Variants in TNPO2 observed in about 807,000 individuals in gnomAD.
The protein encoded by TNPO2 is transportin-2.
TNPO2 carries 16 observed loss-of-function variants against 111.1 expected under a neutral mutation model. The observed-to-expected ratio is 0.14, with a 90% CI of 0.10 to 0.22. TNPO2 has a LOEUF of 0.22. Ranked by LOEUF, TNPO2 falls within the 10% of genes least tolerant of loss-of-function variation. The pLI, the probability that TNPO2 is intolerant of heterozygous loss-of-function variation, is 1.00. For synonymous variants in TNPO2, 481 were observed against 475.8 expected (o/e 1.01, Z -0.14); for missense variants, 530 against 1,173.7 (o/e 0.45, Z 8.01).
chr19:12,709,000 C>A (rs2025873668), intron 13 of TNPO2, among the ~76,000 whole-genome samples: 1 of 151,042 alleles, frequency 6.6e-6, no homozygotes, highest in African/African-American at 2.4e-5. Context: ...GATCACACCA[C>A]TGCACTCCAG....
At position 12,701,403 on chromosome 19, in the gene TNPO2, G is replaced by A. The variant is rs369364372; in HGVS notation, c.2637C>T (p.Phe879=). Residue 879 remains phenylalanine, a synonymous_variant, in exon 25 of 26, where the codon TTC becomes TTT. Transcript: ENST00000425528. The surrounding 1 kb of genome is among the most constrained non-coding windows in gnomAD (Gnocchi z 5.0). The part of the protein sequence containing the change: ...DQVGEDNWQQ[F]SEQFPPLLKE... Reference sequence around the variant, plus strand: ...TGAGCAGCGGCGGGAATTGCTCAGAGAACTGCTGCCAGTTATCTTCCCCAA... The same window carrying A: ...TGAGCAGCGGCGGGAATTGCTCAGAAAACTGCTGCCAGTTATCTTCCCCAA... 7 of 1,613,874 alleles carry A rather than the reference G, an allele frequency of 4.3e-6. No individual in the cohort carries two copies. Among genetic ancestry groups the A allele is most frequent in the Non-Finnish European group, 5.9e-6 (7 of 1,179,894 alleles).
Position 12,701,709 on chromosome 19 carries a change from A to G in TNPO2, c.2512-37T>C. On this transcript the variant is annotated intron_variant, in intron 23 of 25. Transcript: ENST00000425528. This position sits in a 1 kb window ranked among gnomAD's most constrained non-coding sequence, Gnocchi z 5.0. ...CGGATCCCAGGTGAGGGGCCGCCCG[A>G]GCCCAGCGCCCGCGCCTGCCCTCAG... 4 of 1,613,288 alleles carry G rather than the reference A, an allele frequency of 2.5e-6. No individual in the cohort carries two copies. Among genetic ancestry groups the G allele is most frequent in the Non-Finnish European group, 3.4e-6 (4 of 1,179,478 alleles).
rs1163883376 is a variant in TNPO2, at chr19:12,721,347, CGAGG to C, written c.-13-361_-13-358del. The C allele has an allele frequency of 6.4e-6, 8 of 1,258,714 alleles. No individual in the cohort carries two copies. Among genetic ancestry groups the C allele is most frequent in the Non-Finnish European group, 8.2e-6 (8 of 973,822 alleles). 78.0% of individuals were successfully genotyped at this position (1,258,714 alleles called of 1,614,324 possible). A position where few individuals can be genotyped will look rare whatever the true frequency, so the allele number is the denominator to read the frequency against. On this transcript the variant is annotated intron_variant, in intron 2 of 25. Transcript: ENST00000425528. This position sits in a 1 kb window ranked among gnomAD's most constrained non-coding sequence, Gnocchi z 4.9. ...TTCCACCTCCCTCGCAGCGGCTGGG[CGAGG>C]GCCCAGCCGCCTCCACATCCAGGGG...
chr19:12,710,998 C>T (rs923945083), intron 12 of TNPO2, among the ~76,000 whole-genome samples: 2 of 152,118 alleles, frequency 1.3e-5, no homozygotes, highest in African/African-American at 2.4e-5. Flanking sequence ...GGGTTCATGC[C>T]GTTTTCCTGC....
chr19:12,717,111 A>G (rs1030966091), intron 5 of TNPO2, among the ~76,000 whole-genome samples: 1 of 151,844 alleles, frequency 6.6e-6, no homozygotes, highest in Non-Finnish European at 1.5e-5. Flanking sequence ...AAACTCAACG[A>G]GAGAAAGGTG....
chr19:12,718,973 C>A, intron 5 of TNPO2, 56 bp downstream of exon 5: 2 of 1,600,272 alleles, frequency 1.2e-6, no homozygotes, highest in South Asian at 1.1e-5. Context: ...ACTTAACATG[C>A]TGAGAAGTGA....
At position 12,702,792 on chromosome 19, in the gene TNPO2, G is replaced by A; in HGVS notation, c.2305+31C>T. ...ACCCCACCTCCAGAAGGCAGGCAGG[G>A]GTGCAGGCAGCAGCCGGGCCAGGTG... On this transcript the variant is annotated intron_variant, in intron 21 of 25. Coordinates refer to ENST00000425528, the MANE Select transcript of TNPO2 (RefSeq NM_001382241.1). The surrounding 1 kb of genome is among the most constrained non-coding windows in gnomAD (Gnocchi z 5.5). The A allele has an allele frequency of 6.3e-7, 1 of 1,597,512 alleles. No homozygotes were observed. Among genetic ancestry groups the A allele is most frequent in the East Asian group, 2.2e-5 (1 of 44,804 alleles).
intron 2 of TNPO2, chr19:12,722,561 T>TAAAAAAA (rs751028490): frequency 1.7e-4 from 7 of 40,870 alleles, no homozygotes; most frequent in Admixed American, 2.9e-4. Context: ...GAGAGAGAAT[T>TAAAAAAA]AAAAAAAAAA....
chr19:12,707,714 C>T (rs1289311121), intron 13 of TNPO2, among the ~76,000 whole-genome samples: 4 of 151,702 alleles, frequency 2.6e-5, no homozygotes, highest in African/African-American at 9.7e-5. Flanking sequence ...GTCTTAAAAT[C>T]CCGACCTCAC....
At chr19:12,716,684 GA>G (rs1016785591) in intron 5 of TNPO2, among the ~76,000 whole-genome samples, 1 of 152,128 alleles carries the variant, frequency 6.6e-6, no homozygotes, top group African/African-American at 2.4e-5. Flanking sequence ...ACTAAGGGGG[GA>G]AATACAGCAG....
At chr19:12,717,841 C>T (rs571953034) in intron 5 of TNPO2, among the ~76,000 whole-genome samples, 189 of 146,296 alleles carry the variant, frequency 1.3e-3, no homozygotes, top group South Asian at 4.8e-3. Flanking sequence ...CTGTAATTCC[C>T]AAGTAATTTT....
chr19:12,712,870 G>A (rs1052055805), intron 10 of TNPO2, among the ~76,000 whole-genome samples: 7 of 151,968 alleles, frequency 4.6e-5, no homozygotes, highest in Non-Finnish European at 7.4e-5. Flanking sequence ...TCTCATCGCC[G>A]CACACAGGAA....
chr19:12,707,219 A>G (rs1296998303), intron 13 of TNPO2, among the ~76,000 whole-genome samples: 1 of 152,170 alleles, frequency 6.6e-6, no homozygotes, highest in Non-Finnish European at 1.5e-5. Context: ...AGATGGTCTC[A>G]GTCTCCTGAC....
At chr19:12,704,203 C>T (rs1205593320) in intron 18 of TNPO2, among the ~76,000 whole-genome samples, 1 of 152,268 alleles carries the variant, frequency 6.6e-6, no homozygotes, top group South Asian at 2.1e-4. Flanking sequence ...CCTGTCTTTA[C>T]TAAAAATACA....
At chr19:12,709,132 C>A (rs952188892) in intron 13 of TNPO2, among the ~76,000 whole-genome samples, 7 of 151,992 alleles carry the variant, frequency 4.6e-5, no homozygotes, top group Non-Finnish European at 8.8e-5. Flanking sequence ...GAGGCCAAGG[C>A]AGGCAGATCA....
At chr19:12,713,155 C>T (rs2026158508) in intron 10 of TNPO2, among the ~76,000 whole-genome samples, 1 of 152,194 alleles carries the variant, frequency 6.6e-6, no homozygotes, top group Admixed American at 6.5e-5. Context: ...AACATTAAGG[C>T]AGGGACATGC....
chr19:12,709,231 A>G (rs1374925331), intron 13 of TNPO2, among the ~76,000 whole-genome samples: 2 of 151,108 alleles, frequency 1.3e-5, no homozygotes, highest in African/African-American at 4.9e-5. Flanking sequence ...GCGTGGTGGC[A>G]TGCACCTGTA....
intron 18 of TNPO2, among the ~76,000 whole-genome samples, chr19:12,704,882 C>A (rs749661657): frequency 6.6e-6 from 1 of 152,064 alleles, no homozygotes. Context: ...AGGATTTCAC[C>A]GTGTTGGCCA....
chr19:12,703,197 C>T, intron 20 of TNPO2: 1 of 593,214 alleles, frequency 1.7e-6, no homozygotes, highest in East Asian at 2.8e-5. Context: ...AGTCACCCAA[C>T]CAATCCGAAT....
Sources: allele counts gnomAD v4.1 joint callset (sites outside exome capture counted in the v4.1 genomes callset), GRCh38; gene constraint gnomAD v4.1.1; non-coding constraint Gnocchi (gnomAD v3.1); transcripts MANE v1.5; gene names NCBI Gene and HGNC (gene_info 2026-07-23, HGNC 2026-07-21).